Variants in SCN2A observed in about 807,000 individuals in gnomAD.
The protein encoded by SCN2A is sodium voltage-gated channel alpha subunit 2.
A neutral mutation model predicts 188.7 loss-of-function variants in SCN2A; 20 were observed. The ratio of observed to expected loss-of-function variants is 0.11; its 90% confidence interval spans 0.07 to 0.15. The LOEUF (loss-of-function observed/expected upper bound fraction) is 0.15, where lower values mean the gene tolerates loss of function less well. SCN2A is among the 10% of genes least tolerant of loss of function. The pLI is 1.00. For synonymous variants in SCN2A, 804 were observed against 833.1 expected (o/e 0.97, Z 0.60); for missense variants, 1,278 against 2,445.0 (o/e 0.52, Z 10.07).
chr2:165,287,723 C>T (rs1190279991), intron 1 of SCN2A, among the ~76,000 whole-genome samples: 1 of 152,154 alleles, frequency 6.6e-6, no homozygotes, highest in African/African-American at 2.4e-5. Flanking sequence ...CCACTGGGGA[C>T]ACCTCTTTGG....
intron 1 of SCN2A, among the ~76,000 whole-genome samples, chr2:165,277,526 C>T (rs1695399620): frequency 6.6e-6 from 1 of 152,186 alleles, no homozygotes; most frequent in Admixed American, 6.5e-5. Context: ...AAAGTTCCTA[C>T]TTGTATTACT....
chr2:165,294,124 G>T, intron 1 of SCN2A: 1 of 972,380 alleles, frequency 1.0e-6, no homozygotes, highest in African/African-American at 1.8e-5. Context: ...GGGTGTAAAA[G>T]ATTCTACAGG....
rs1698384021 is a variant in SCN2A, at chr2:165,326,856, C to A, written c.2021C>A (p.Thr674Lys). ...CATCTGAAATTCTACTTCTAGGGCACAACTACTGAAACAGAAATAAGAAAG... is the reference window on the plus strand; with the variant it reads ...CATCTGAAATTCTACTTCTAGGGCAAAACTACTGAAACAGAAATAAGAAAG... ...TSAGQLLPEG[T>K]TTETEIRKRR... The change falls in exon 13 of 27, where the codon ACA (threonine) becomes AAA (lysine). Residue 674 changes from threonine (T) to lysine (K), a missense_variant. By Grantham distance (78) the Thr-to-Lys change is moderately conservative. Transcript: ENST00000375437. 1.9e-6 allele frequency: 3 copies of A among 1,613,724 alleles called. No homozygotes were observed. The highest frequency in any genetic ancestry group is 1.6e-4 in the Middle Eastern group (1 of 6,078).
intron 17 of SCN2A, among the ~76,000 whole-genome samples, chr2:165,359,885 A>G (rs944523790): frequency 6.6e-6 from 1 of 152,014 alleles, no homozygotes; most frequent in African/African-American, 2.4e-5. Flanking sequence ...GAAGAAAAAT[A>G]TTTAAAATCC....
chr2:165,300,649 G>A (rs1038422472), intron 3 of SCN2A, among the ~76,000 whole-genome samples: 2 of 152,158 alleles, frequency 1.3e-5, no homozygotes, highest in African/African-American at 2.4e-5. Flanking sequence ...CAACTAGTAT[G>A]TTTAACAATC....
At position 165,389,348 on chromosome 2, in the gene SCN2A, A is replaced by T. The variant is rs1702033502; in HGVS notation, c.5542A>T (p.Ser1848Cys). The change falls in exon 27 of 27, where the codon AGT becomes TGT. Residue 1848 changes from serine (S) to cysteine (C), a missense_variant. By Grantham distance (112) the Ser-to-Cys change is moderately radical. Around this residue, in one of 17 missense-constraint regions of SCN2A, gnomAD observed 54 missense variants for 135.4 expected, o/e 0.40. Coordinates refer to ENST00000375437, the MANE Select transcript of SCN2A (RefSeq NM_001040142.2). The surrounding 1 kb of genome is among the most constrained non-coding windows in gnomAD (Gnocchi z 4.2). ...QLIAMDLPMV[S>C]GDRIHCLDIL... ...CATTGCCATGGATCTGCCCATGGTG[A>T]GTGGTGACCGGATCCACTGTCTTGA... 6.2e-7 allele frequency: 1 copy of T among 1,613,934 alleles called. No individual in the cohort carries two copies. The highest frequency in any genetic ancestry group is 1.7e-5 in the Admixed American group (1 of 59,972).
At position 165,248,899 on chromosome 2, in the gene SCN2A, A is replaced by T. The variant is rs553232590; in HGVS notation, c.-52+9259A>T. 2.0e-5 allele frequency among the ~76,000 whole-genome samples: 3 copies of T among 152,202 alleles called. No homozygotes were observed. In the South Asian group the frequency reaches 6.2e-4, roughly 32 times the overall value. ...GGCACCATGCTTTCTCTTTCACTTT[A>T]TTGGGCTGATTCACATTTACAAATG... On this transcript the variant is annotated intron_variant, in intron 1 of 26. Coordinates refer to ENST00000375437, the MANE Select transcript of SCN2A (RefSeq NM_001040142.2).
intron 3 of SCN2A, among the ~76,000 whole-genome samples, chr2:165,304,001 C>T (rs942446720): frequency 6.6e-6 from 1 of 152,018 alleles, no homozygotes. Flanking sequence ...AAACCATTGC[C>T]GAGTCCATAA....
intron 17 of SCN2A, among the ~76,000 whole-genome samples, chr2:165,355,252 A>T (rs933423289): frequency 6.6e-6 from 1 of 152,190 alleles, no homozygotes; most frequent in South Asian, 2.1e-4. Context: ...CACACTAAAA[A>T]CATATTTAAC....
intron 1 of SCN2A, chr2:165,241,168 G>T (rs1693607219): frequency 6.6e-6 from 1 of 152,068 alleles, no homozygotes; most frequent in Admixed American, 6.6e-5. Context: ...GCATGTGTGT[G>T]TGTGTTTGGT....
chr2:165,244,927 C>T (rs1693779780), intron 1 of SCN2A, among the ~76,000 whole-genome samples: 1 of 151,722 alleles, frequency 6.6e-6, no homozygotes, highest in South Asian at 2.1e-4. Flanking sequence ...AAAATAACAA[C>T]AGTTCTCTTA....
chr2:165,244,014 G>C (rs945045504), intron 1 of SCN2A, among the ~76,000 whole-genome samples: 3 of 152,224 alleles, frequency 2.0e-5, no homozygotes, highest in Middle Eastern at 6.8e-3. Flanking sequence ...GGTCGAGGTA[G>C]GCAGATCACC....
chr2:165,257,569 T>C (rs1694383079), intron 1 of SCN2A, among the ~76,000 whole-genome samples: 1 of 152,082 alleles, frequency 6.6e-6, no homozygotes, highest in Admixed American at 6.5e-5. Context: ...GACGGAGTCT[T>C]GCTCTGTCAC....
intron 23 of SCN2A, among the ~76,000 whole-genome samples, chr2:165,378,129 CTACTT>C (rs1413519629): frequency 6.6e-6 from 1 of 150,428 alleles, no homozygotes; most frequent in Non-Finnish European, 1.5e-5. Flanking sequence ...CTTCCCTAAT[CTACTT>C]TATACATACC....
intron 22 of SCN2A, among the ~76,000 whole-genome samples, chr2:165,375,168 C>A (rs1468478929): frequency 6.6e-6 from 1 of 151,936 alleles, no homozygotes; most frequent in Non-Finnish European, 1.5e-5. Context: ...TTATGGAAAA[C>A]AGTATGGAGG....
chr2:165,359,959 A>G (rs1354255062), intron 17 of SCN2A, among the ~76,000 whole-genome samples: 1 of 151,986 alleles, frequency 6.6e-6, no homozygotes, highest in African/African-American at 2.4e-5. Context: ...GACTTTCTGG[A>G]TAATATAGTA....
intron 18 of SCN2A, 108 bp downstream of exon 18, chr2:165,365,371 CTGTA>C: frequency 9.0e-7 from 1 of 1,106,260 alleles, no homozygotes; most frequent in South Asian, 1.3e-5. Flanking sequence ...ATCTATCTAT[CTGTA>C]TCTATCTATC....
At chr2:165,333,298 T>C (rs933766322) in intron 14 of SCN2A, among the ~76,000 whole-genome samples, 3 of 151,946 alleles carry the variant, frequency 2.0e-5, no homozygotes, top group Admixed American at 2.0e-4. Flanking sequence ...GAATGTAGGA[T>C]CTGTATCTAA....
intron 1 of SCN2A, among the ~76,000 whole-genome samples, chr2:165,262,259 G>C (rs1208877510): frequency 6.6e-6 from 1 of 152,030 alleles, no homozygotes; most frequent in Non-Finnish European, 1.5e-5. Flanking sequence ...GGGAACTGGT[G>C]GTGTTTGGTT....
Sources: allele counts gnomAD v4.1 joint callset (sites outside exome capture counted in the v4.1 genomes callset), GRCh38; gene constraint gnomAD v4.1.1; regional missense constraint gnomAD v4.1.1; non-coding constraint Gnocchi (gnomAD v3.1); transcripts MANE v1.5; gene names NCBI Gene and HGNC (gene_info 2026-07-23, HGNC 2026-07-21).